TNIP1: variants seen among roughly 807,000 people sequenced by gnomAD.
The protein encoded by TNIP1 is TNFAIP3 interacting protein 1, also known as TNFAIP3-interacting protein 1.
Under a neutral mutation model 86.6 loss-of-function variants are expected in TNIP1, and 22 were observed. The ratio of observed to expected loss-of-function variants is 0.25; its 90% CI spans 0.18 to 0.36. The LOEUF is 0.36. Ranked by LOEUF, TNIP1 falls within the 10% of genes least tolerant of loss-of-function variation. The pLI is 1.00. For missense variants in TNIP1, 709 were observed against 820.6 expected (o/e 0.86, Z 1.66); for synonymous variants, 294 against 313.0 (o/e 0.94, Z 0.64).
chr5:151,079,350 G>A (rs908201509), intron 1 of TNIP1, among the ~76,000 whole-genome samples: 8 of 152,192 alleles, frequency 5.3e-5, no homozygotes, highest in African/African-American at 1.9e-4. Context: ...GAGGCCGGGC[G>A]GGGCGGCTCA....
At chr5:151,050,081 C>T (rs994918181) in intron 7 of TNIP1, 134 bp from the exon 8 acceptor site, 6 of 1,431,152 alleles carry the variant, frequency 4.2e-6, no homozygotes, top group Admixed American at 2.2e-5. Flanking sequence ...AACCTGCCCT[C>T]CTGGAAAACC....
upstream of TNIP1, among the ~76,000 whole-genome samples, chr5:151,082,073 AG>A (rs1266391938): frequency 6.6e-6 from 1 of 152,180 alleles, no homozygotes; most frequent in East Asian, 1.9e-4. Flanking sequence ...ATCCTCAAAA[AG>A]AATTAGGGGA....
Position 151,035,016 on chromosome 5 carries a change from TCTG to T in TNIP1, c.1570_1572del (p.Gln524del), listed in dbSNP as rs1158649792. The T allele has an allele frequency of 6.2e-7, 1 of 1,614,168 alleles. No homozygotes were observed. Among genetic ancestry groups the T allele is most frequent in the Non-Finnish European group, 8.5e-7 (1 of 1,180,020 alleles). On this transcript the variant is annotated inframe_deletion, in exon 15 of 18. Transcript: ENST00000521591. Reference sequence around the variant, plus strand: ...AGCCTCCTCACCTTTGCTTTCCTCTTCTGCTGTCTGAGGGCTTCTCTTGCCTTC... The same window carrying T: ...AGCCTCCTCACCTTTGCTTTCCTCTTCTGTCTGAGGGCTTCTCTTGCCTTC...
At chr5:151,031,577 A>G (rs1214763396) in intron 17 of TNIP1, among the ~76,000 whole-genome samples, 2 of 152,200 alleles carry the variant, frequency 1.3e-5, no homozygotes, top group Non-Finnish European at 2.9e-5. Flanking sequence ...ACTCTGCTTT[A>G]AAAATGTCCA....
At chr5:151,054,033 G>T (rs1481440578) in intron 6 of TNIP1, among the ~76,000 whole-genome samples, 19 of 152,234 alleles carry the variant, frequency 1.2e-4, no homozygotes, top group Admixed American at 1.1e-3. Flanking sequence ...ATGCAACCAT[G>T]TGACTAGTTC....
intron 11 of TNIP1, among the ~76,000 whole-genome samples, chr5:151,042,081 C>T (rs1758490527): frequency 6.6e-6 from 1 of 151,938 alleles, no homozygotes; most frequent in South Asian, 2.1e-4. Flanking sequence ...GCTGGAATTA[C>T]AGGTGCCTGC....
chr5:151,065,197 C>T (rs988043232), intron 1 of TNIP1, 66 bp from the exon 2 acceptor site: 13 of 1,416,884 alleles, frequency 9.2e-6, no homozygotes, highest in South Asian at 3.8e-5. Flanking sequence ...TGCAGAGAAG[C>T]TCTAGTCTGT....
chr5:151,054,491 G>A (rs1760385752), intron 6 of TNIP1, among the ~76,000 whole-genome samples: 1 of 152,098 alleles, frequency 6.6e-6, no homozygotes, highest in Admixed American at 6.5e-5. Flanking sequence ...CACCAGTCTG[G>A]GCAACATGGC....
chr5:151,039,633 T>C (rs966450707), intron 11 of TNIP1, among the ~76,000 whole-genome samples: 1 of 152,116 alleles, frequency 6.6e-6, no homozygotes, highest in African/African-American at 2.4e-5. Flanking sequence ...GAAATTTTGT[T>C]GTGTGTAATC....
intron 1 of TNIP1, chr5:151,086,984 G>C (rs768643116): frequency 6.6e-6 from 1 of 152,452 alleles, no homozygotes; most frequent in Non-Finnish European, 1.5e-5. Context: ...GAGGCCAGGT[G>C]GCTCTTGGCA....
At chr5:151,057,388 T>A (rs762328106) in intron 5 of TNIP1, among the ~76,000 whole-genome samples, 1 of 152,174 alleles carries the variant, frequency 6.6e-6, no homozygotes, top group East Asian at 1.9e-4. Context: ...ATCCATGGGT[T>A]CCGCATCCAT....
chr5:151,084,065 AAC>A (rs1764181263), upstream of TNIP1, among the ~76,000 whole-genome samples: 1 of 152,230 alleles, frequency 6.6e-6, no homozygotes. Context: ...TTAAACGCTT[AAC>A]ACTCTTAAGC....
At chr5:151,043,256 G>C (rs1758689761) in intron 9 of TNIP1, among the ~76,000 whole-genome samples, 4 of 152,174 alleles carry the variant, frequency 2.6e-5, no homozygotes, top group Admixed American at 2.6e-4. Flanking sequence ...GGCAGTCTGG[G>C]ATTATGTATT....
chr5:151,064,757 G>A (rs1032260247), intron 2 of TNIP1, among the ~76,000 whole-genome samples: 5 of 152,176 alleles, frequency 3.3e-5, no homozygotes, highest in African/African-American at 1.2e-4. Flanking sequence ...CGGGTGCTGA[G>A]GAATCAGGGT....
chr5:151,062,361 G>C, intron 3 of TNIP1, 149 bp from the exon 4 acceptor site: 1 of 698,392 alleles, frequency 1.4e-6, no homozygotes, highest in Non-Finnish European at 2.5e-6. Context: ...ATCAGGGCCA[G>C]GTAGTCTGAG....
rs1232500238 is a variant in TNIP1 at position 151,065,139 on chromosome 5, G to A, written c.-36-8C>T. 6.3e-7 allele frequency: 1 copy of A among 1,597,626 alleles called. No individual in the cohort carries two copies. Among genetic ancestry groups the A allele is most frequent in the Admixed American group, 1.7e-5 (1 of 59,602 alleles). On this transcript the variant is annotated splice_polypyrimidine_tract_variant and splice_region_variant and intron_variant, in intron 1 of 17. Transcript: ENST00000521591. ...GCCGTGGTGCCCGCCTGGCTGTAAGGACAACAGCAGCATATCAGCAGGCTG... is the reference window on the plus strand; with the variant it reads ...GCCGTGGTGCCCGCCTGGCTGTAAGAACAACAGCAGCATATCAGCAGGCTG...
intron 15 of TNIP1, chr5:151,034,443 G>GTTGCTA: frequency 3.6e-6 from 1 of 281,166 alleles, no homozygotes; most frequent in Non-Finnish European, 6.7e-6. Context: ...GGCACGGAAG[G>GTTGCTA]CTGGGCACAT....
intron 6 of TNIP1, among the ~76,000 whole-genome samples, chr5:151,053,347 T>C (rs564669125): frequency 4.5e-4 from 69 of 152,170 alleles, no homozygotes; most frequent in African/African-American, 1.5e-3. Context: ...TGACCTCAAG[T>C]GATCCACCTG....
upstream of TNIP1, among the ~76,000 whole-genome samples, chr5:151,084,643 G>A (rs1293017213): frequency 1.3e-5 from 2 of 152,126 alleles, no homozygotes; most frequent in African/African-American, 4.8e-5. Context: ...AGGAAATGGA[G>A]CATCTAAATC....
Sources: allele counts gnomAD v4.1 joint callset (sites outside exome capture counted in the v4.1 genomes callset), GRCh38; gene constraint gnomAD v4.1.1; transcripts MANE v1.5; gene names NCBI Gene and HGNC (gene_info 2026-07-23, HGNC 2026-07-21).